MAGI2: variants seen among roughly 807,000 people sequenced by gnomAD.
MAGI2 encodes the protein membrane associated guanylate kinase, WW and PDZ domain containing 2.
In MAGI2, 35 loss-of-function variants were observed where a neutral mutation model predicts 133.3. That is an observed-to-expected ratio of 0.26 (90% confidence interval 0.20 to 0.35). The LOEUF (loss-of-function observed/expected upper bound fraction) is 0.35, where lower values mean the gene tolerates loss of function less well. MAGI2 is among the 10% of genes least tolerant of loss of function. The pLI is 1.00. For synonymous variants in MAGI2, 729 were observed against 710.6 expected, an observed-to-expected ratio of 1.03 and a Z score of -0.41; for missense variants, 1,636 against 1,863.4, an observed-to-expected ratio of 0.88 and a Z score of 2.25.
chr7:78,071,571 G>A (rs1563082967), intron 21 of MAGI2, among the ~76,000 whole-genome samples: 1 of 152,124 alleles, frequency 6.6e-6, no homozygotes, highest in African/African-American at 2.4e-5. Context: ...CCTGTCTCTG[G>A]CTCCATGAAG....
intron 1 of MAGI2, among the ~76,000 whole-genome samples, chr7:79,183,296 A>G (rs1330202598): frequency 1.3e-5 from 2 of 151,884 alleles, no homozygotes; most frequent in Non-Finnish European, 2.9e-5. Context: ...GTATGCAACG[A>G]AATTTCTCAT....
intron 21 of MAGI2, among the ~76,000 whole-genome samples, chr7:78,030,341 G>C (rs1809433333): frequency 6.6e-6 from 1 of 152,154 alleles, no homozygotes; most frequent in African/African-American, 2.4e-5. Context: ...TCAGCTCACT[G>C]TAACCTCCTG....
At position 78,882,068 on chromosome 7, in the gene MAGI2, T is replaced by TAAC. The variant is rs767269169; in HGVS notation, c.418+125019_418+125021dup. Among the ~76,000 whole-genome samples, 189 of 29,734 alleles carry TAAC rather than the reference T, an allele frequency of 6.4e-3. 12 individuals carry two copies. Among genetic ancestry groups the TAAC allele is most frequent in the East Asian group, 0.019 (18 of 924 alleles). The allele number at this position is 29,734 out of a possible 152,430, so 19.5% of individuals were successfully genotyped here. ...AAGACTGACAGACCTCTAGCTAGAT[T>TAAC]AACAACAACAACAACAACAAAAAAA... is the stretch of plus-strand genomic sequence containing the variant. On this transcript the variant is annotated intron_variant, in intron 2 of 21. Coordinates refer to ENST00000354212, the MANE Select transcript of MAGI2 (RefSeq NM_012301.4).
chr7:78,745,733 T>C (rs540253993), intron 2 of MAGI2, among the ~76,000 whole-genome samples: 8 of 152,322 alleles, frequency 5.3e-5, no homozygotes, highest in African/African-American at 1.9e-4. Context: ...TCTTATTTTA[T>C]TAATGACCAC....
intron 2 of MAGI2, among the ~76,000 whole-genome samples, chr7:79,001,857 A>G (rs1363381504): frequency 6.6e-6 from 1 of 152,200 alleles, no homozygotes; most frequent in Non-Finnish European, 1.5e-5. Flanking sequence ...TCATCTCTAA[A>G]TAAATGCTGC....
At chr7:78,568,279 A>C (rs1301574606) in intron 3 of MAGI2, 1 of 152,218 alleles carries the variant, frequency 6.6e-6, no homozygotes, top group African/African-American at 2.4e-5. Context: ...CTAGAATCTA[A>C]CAGCTTTCAA....
At chr7:78,029,260 A>G (rs1809306318) in intron 21 of MAGI2, among the ~76,000 whole-genome samples, 4 of 152,200 alleles carry the variant, frequency 2.6e-5, no homozygotes, top group Admixed American at 2.0e-4. Context: ...AAGATTTTAA[A>G]AAATCCCGGA....
At chr7:78,294,084 ATAT>A (rs1329166442) in intron 9 of MAGI2, among the ~76,000 whole-genome samples, 6 of 147,892 alleles carry the variant, frequency 4.1e-5, no homozygotes, top group East Asian at 4.0e-4. Context: ...TAATAAAAAA[ATAT>A]ATATAATTCT....
chr7:78,809,152 C>T (rs1181312572), intron 2 of MAGI2, among the ~76,000 whole-genome samples: 1 of 152,176 alleles, frequency 6.6e-6, no homozygotes, highest in African/African-American at 2.4e-5. Context: ...CAATATAACA[C>T]TGGATCTGGT....
intron 1 of MAGI2, among the ~76,000 whole-genome samples, chr7:79,036,763 A>G (rs573099675): frequency 2.6e-5 from 4 of 152,340 alleles, no homozygotes; most frequent in African/African-American, 9.6e-5. Flanking sequence ...AAAGAATCTA[A>G]ACTCAAAGTG....
chr7:78,450,527 G>A (rs1162242448), intron 6 of MAGI2, among the ~76,000 whole-genome samples: 2 of 152,102 alleles, frequency 1.3e-5, no homozygotes, highest in Non-Finnish European at 2.9e-5. Flanking sequence ...TCATTGTGAT[G>A]AAAGTGTTTT....
intron 1 of MAGI2, among the ~76,000 whole-genome samples, chr7:79,179,813 A>G (rs1054921780): frequency 6.6e-6 from 1 of 152,074 alleles, no homozygotes; most frequent in African/African-American, 2.4e-5. Context: ...ATACAAAACT[A>G]TAAGACAACT....
At chr7:78,591,406 G>A (rs1374366454) in intron 3 of MAGI2, among the ~76,000 whole-genome samples, 2 of 152,226 alleles carry the variant, frequency 1.3e-5, no homozygotes, top group Non-Finnish European at 2.9e-5. Flanking sequence ...ACATCTAGCT[G>A]TAGACAAGAA....
At chr7:79,159,367 A>G (rs901344579) in intron 1 of MAGI2, among the ~76,000 whole-genome samples, 2 of 152,088 alleles carry the variant, frequency 1.3e-5, no homozygotes, top group East Asian at 1.9e-4. Context: ...TACAAAAAAA[A>G]TTAGCCTGGC....
chr7:78,954,117 C>T (rs1025939047), intron 2 of MAGI2, among the ~76,000 whole-genome samples: 4 of 152,008 alleles, frequency 2.6e-5, no homozygotes, highest in African/African-American at 4.8e-5. Context: ...TAAAATGTAT[C>T]CTATTACAGA....
At chr7:78,874,889 C>T (rs1201419908) in intron 2 of MAGI2, among the ~76,000 whole-genome samples, 2 of 152,060 alleles carry the variant, frequency 1.3e-5, no homozygotes, top group African/African-American at 4.8e-5. Context: ...ACCCCATAAA[C>T]ATGTATAATT....
At chr7:78,862,242 TC>T (rs1299431493) in intron 2 of MAGI2, among the ~76,000 whole-genome samples, 29 of 152,340 alleles carry the variant, frequency 1.9e-4, no homozygotes, top group Admixed American at 1.8e-3. Context: ...TATAACTTCT[TC>T]GTAAATGCTG....
At chr7:79,311,978 T>G (rs1054045390) in intron 1 of MAGI2, among the ~76,000 whole-genome samples, 10 of 152,168 alleles carry the variant, frequency 6.6e-5, no homozygotes, top group African/African-American at 2.2e-4. Context: ...CTGCCTCTAT[T>G]GCTAACATCC....
chr7:79,240,358 GAAAAAAA>G (rs762841388), intron 1 of MAGI2, among the ~76,000 whole-genome samples: 33 of 88,436 alleles, frequency 3.7e-4, no homozygotes, highest in African/African-American at 1.2e-3. Flanking sequence ...TTATCAGAAT[GAAAAAAA>G]AAAAAAAAAG....
Sources: allele counts gnomAD v4.1 joint callset (sites outside exome capture counted in the v4.1 genomes callset), GRCh38; gene constraint gnomAD v4.1.1; transcripts MANE v1.5; gene names NCBI Gene and HGNC (gene_info 2026-07-23, HGNC 2026-07-21).